CCDC149: variants seen among roughly 807,000 people sequenced by gnomAD.
CCDC149 encodes the protein coiled-coil domain-containing protein 149.
Under a neutral mutation model 59.9 loss-of-function variants are expected in CCDC149, and 45 were observed. The ratio of observed to expected loss-of-function variants is 0.75; its 90% CI spans 0.59 to 0.96. CCDC149 has a LOEUF of 0.96. Among genes scored for constraint, CCDC149 ranks in the 40% least tolerant of loss-of-function variants. The pLI is 0.00. For missense variants in CCDC149, 584 were observed against 664.7 expected (o/e 0.88, Z 1.33); for synonymous variants, 245 against 260.6 (o/e 0.94, Z 0.58).
At chr4:24,889,423 C>T (rs1324545412) in intron 1 of CCDC149, among the ~76,000 whole-genome samples, 1 of 152,180 alleles carries the variant, frequency 6.6e-6, no homozygotes, top group Non-Finnish European at 1.5e-5. Context: ...CTGATCCAAC[C>T]TTGTCTCAGG....
At chr4:24,887,664 C>T (rs915173515) in intron 1 of CCDC149, among the ~76,000 whole-genome samples, 1 of 152,152 alleles carries the variant, frequency 6.6e-6, no homozygotes, top group Non-Finnish European at 1.5e-5. Context: ...CAACAAGCCA[C>T]CCCTCCATGC....
chr4:24,843,781 C>G (rs1717085869), intron 4 of CCDC149, among the ~76,000 whole-genome samples: 1 of 152,128 alleles, frequency 6.6e-6, no homozygotes, highest in South Asian at 2.1e-4. Flanking sequence ...ACAGATACCC[C>G]CAAGTGGCAC....
intron 1 of CCDC149, among the ~76,000 whole-genome samples, chr4:24,906,365 A>ATTTTATTTTATTTTTATTTTATTTT (rs1560249439): frequency 4.6e-4 from 10 of 21,518 alleles, no homozygotes; most frequent in African/African-American, 7.8e-4. Context: ...AGCGGAACAA[A>ATTTTATTTTATTTTTATTTTATTTT]TTTTATTTTA....
At chr4:24,929,720 A>G (rs1448091616) in intron 1 of CCDC149, among the ~76,000 whole-genome samples, 1 of 151,988 alleles carries the variant, frequency 6.6e-6, no homozygotes, top group African/African-American at 2.4e-5. Flanking sequence ...TAGAACACCC[A>G]CTCACATCGC....
intron 1 of CCDC149, among the ~76,000 whole-genome samples, chr4:24,912,332 A>C (rs1419221851): frequency 6.6e-6 from 1 of 152,006 alleles, no homozygotes; most frequent in African/African-American, 2.4e-5. Flanking sequence ...TGAATGAGTG[A>C]ACGGCTGCAG....
chr4:24,828,413 A>G (rs1715904967), intron 9 of CCDC149: 1 of 152,160 alleles, frequency 6.6e-6, no homozygotes, highest in Admixed American at 6.5e-5. Context: ...CGTTTCTTCC[A>G]GGAAGGGGAT....
chr4:24,815,297 C>T (rs115615345), intron 12 of CCDC149, among the ~76,000 whole-genome samples: 164 of 152,302 alleles, frequency 1.1e-3, no homozygotes, highest in Admixed American at 1.8e-3. Context: ...CTGACTTGCA[C>T]AAACATTTAT....
intron 1 of CCDC149, among the ~76,000 whole-genome samples, chr4:24,955,798 T>C (rs1723447912): frequency 1.3e-5 from 2 of 152,236 alleles, no homozygotes; most frequent in South Asian, 2.1e-4. Flanking sequence ...GATGGAGATA[T>C]GGTGGCAATG....
chr4:24,820,918 C>T, intron 11 of CCDC149, 137 bp downstream of exon 11: 1 of 451,428 alleles, frequency 2.2e-6, no homozygotes, highest in Non-Finnish European at 3.6e-6. Context: ...TAATTGAATT[C>T]TCTATTTCAA....
intron 4 of CCDC149, 76 bp from the exon 5 acceptor site, chr4:24,838,348 G>A (rs1716686523): frequency 8.0e-6 from 8 of 1,005,754 alleles, no homozygotes; most frequent in Non-Finnish European, 1.3e-5. Context: ...AGGACACTAA[G>A]AAACTTTTGG....
At chr4:24,896,633 T>C (rs1354833252) in intron 1 of CCDC149, among the ~76,000 whole-genome samples, 2 of 151,878 alleles carry the variant, frequency 1.3e-5, no homozygotes, top group African/African-American at 2.4e-5. Flanking sequence ...GCAATATATC[T>C]GAGATAATAA....
In CCDC149 at chr4:24,906,694, G is replaced by A. The variant is rs553917842; in HGVS notation, c.63+6123C>T. Among the ~76,000 whole-genome samples, 12 of 152,084 alleles carry A rather than the reference G, an allele frequency of 7.9e-5. No individual in the cohort carries two copies. In the South Asian group the frequency reaches 1.5e-3, roughly 18 times the overall value. ...ATTATAGACATGGGCCACCGTGCCC[G>A]GCCAAATTTTAAAAATGAATAAAAC... On this transcript the variant is annotated intron_variant, in intron 1 of 12. Coordinates refer to ENST00000635206, the MANE Select transcript of CCDC149 (RefSeq NM_001330643.2).
intron 1 of CCDC149, among the ~76,000 whole-genome samples, chr4:24,909,322 T>C (rs11943001): frequency 0.13 from 20,064 of 152,162 alleles, 1,398 homozygotes; most frequent in South Asian, 0.17. Context: ...CCAGATTAGC[T>C]GTGCAGTGAT....
At chr4:24,887,904 C>T (rs1018806496) in intron 1 of CCDC149, among the ~76,000 whole-genome samples, 6 of 152,168 alleles carry the variant, frequency 3.9e-5, no homozygotes, top group African/African-American at 1.4e-4. Context: ...ATCAGCTCTT[C>T]TACTCCCGCC....
chr4:24,960,164 G>A (rs961856410), intron 1 of CCDC149, among the ~76,000 whole-genome samples: 3 of 152,116 alleles, frequency 2.0e-5, no homozygotes, highest in African/African-American at 7.2e-5. Flanking sequence ...CTTGCTATAC[G>A]TAAGGTGATA....
At position 24,931,840 on chromosome 4, in the gene CCDC149, T is replaced by TATATATATATATATATATAC. The variant is rs745597767; in HGVS notation, c.-64-36723_-64-36722insGTATATATATATATATATAT. On this transcript the variant is annotated intron_variant, in intron 1 of 12. Coordinates refer to the CCDC149 transcript ENST00000389609. ...TGTATGGAGAGTATGTATATATATA[T>TATATATATATATATATATAC]ATATATATATATGCATAATCCATAT... is the stretch of plus-strand genomic sequence containing the variant. Among the ~76,000 whole-genome samples, 1,390 of 140,110 alleles carry TATATATATATATATATATAC rather than the reference T, an allele frequency of 9.9e-3. 32 individuals are homozygous for TATATATATATATATATATAC. Among genetic ancestry groups the TATATATATATATATATATAC allele is most frequent in the Non-Finnish European group, 0.015 (965 of 65,290 alleles). The allele number at this position is 140,110 out of a possible 152,430, so 91.9% of individuals were successfully genotyped here.
intron 12 of CCDC149, among the ~76,000 whole-genome samples, chr4:24,817,402 T>C (rs1398423249): frequency 6.6e-6 from 1 of 152,066 alleles, no homozygotes; most frequent in Non-Finnish European, 1.5e-5. Flanking sequence ...AGGGTCTCTC[T>C]CTTGAAATTC....
rs186397818 is a variant in CCDC149, at chr4:24,881,236, A to G, written c.64-4539T>C. Among the ~76,000 whole-genome samples the G allele has an allele frequency of 1.4e-3, 215 of 152,334 alleles. No homozygotes were observed. The Middle Eastern group carries it at 0.017, about 12-fold the overall frequency. ...GGGTCAATATTCATGGCTCTTGCTAATATTTCTAGTTCTCCTTTCCTTCCA... is the reference window on the plus strand; with the variant it reads ...GGGTCAATATTCATGGCTCTTGCTAGTATTTCTAGTTCTCCTTTCCTTCCA... On this transcript the variant is annotated intron_variant, in intron 1 of 12. Coordinates refer to ENST00000635206, the MANE Select transcript of CCDC149 (RefSeq NM_001330643.2).
intron 1 of CCDC149, among the ~76,000 whole-genome samples, chr4:24,979,675 G>A (rs894069060): frequency 4.6e-5 from 7 of 152,214 alleles, no homozygotes; most frequent in African/African-American, 1.7e-4. Context: ...GGTAAGTCAT[G>A]TCATCATTTC....
Sources: allele counts gnomAD v4.1 joint callset (sites outside exome capture counted in the v4.1 genomes callset), GRCh38; gene constraint gnomAD v4.1.1; transcripts MANE v1.5; gene names NCBI Gene and HGNC (gene_info 2026-07-23, HGNC 2026-07-21).